Variants in STK3 observed in about 807,000 individuals in gnomAD.
STK3 encodes serine/threonine kinase 3.
STK3 carries 41 observed loss-of-function variants against 58.0 expected under a neutral mutation model. The observed-to-expected ratio is 0.71, with a 90% CI of 0.55 to 0.92. The LOEUF (loss-of-function observed/expected upper bound fraction) is 0.92, where lower values mean the gene tolerates loss of function less well. Among genes scored for constraint, STK3 ranks in the 40% least tolerant of loss-of-function variants. The pLI is 0.00. For missense variants in STK3, 479 were observed against 602.7 expected (o/e 0.79, Z 2.15); for synonymous variants, 170 against 191.0 (o/e 0.89, Z 0.91).
chr8:98,922,255 T>C (rs925484703), intron 1 of STK3, among the ~76,000 whole-genome samples: 3 of 152,168 alleles, frequency 2.0e-5, no homozygotes, highest in Non-Finnish European at 4.4e-5. Context: ...TTGCAACCAG[T>C]AGTGACAAGC....
intron 1 of STK3, among the ~76,000 whole-genome samples, chr8:98,891,092 T>C (rs1838183584): frequency 6.6e-6 from 1 of 152,224 alleles, no homozygotes; most frequent in African/African-American, 2.4e-5. Context: ...CTCCTAACAG[T>C]TGTTAAATGT....
At chr8:98,396,027 T>C (rs1817894651) in intron 3 of STK3, among the ~76,000 whole-genome samples, 1 of 152,162 alleles carries the variant, frequency 6.6e-6, no homozygotes, top group African/African-American at 2.4e-5. Flanking sequence ...AGTGAAATGT[T>C]GTGTATTAAA....
intron 1 of STK3, among the ~76,000 whole-genome samples, chr8:98,916,530 G>A (rs1038176442): frequency 7.2e-5 from 11 of 152,208 alleles, no homozygotes; most frequent in African/African-American, 2.7e-4. Context: ...CAAGCACTGT[G>A]TCTACAGTCT....
intron 1 of STK3, among the ~76,000 whole-genome samples, chr8:98,913,131 CAAAA>C (rs71995197): frequency 7.0e-6 from 1 of 143,034 alleles, no homozygotes; most frequent in African/African-American, 2.5e-5. Context: ...ACATAAATGG[CAAAA>C]AAAAAAAATC....
intron 3 of STK3, among the ~76,000 whole-genome samples, chr8:98,751,245 TC>T (rs1263831775): frequency 6.6e-6 from 1 of 152,134 alleles, no homozygotes; most frequent in East Asian, 1.9e-4. Context: ...GTATTGGAAG[TC>T]CTGGCAAGGG....
chr8:98,359,441 T>A, the STK3 span, among the ~76,000 whole-genome samples: 1 of 148,052 alleles, frequency 6.8e-6, no homozygotes, highest in Non-Finnish European at 1.5e-5. Flanking sequence ...GAGAATCACT[T>A]GAACCGGGGA....
intron 6 of STK3, among the ~76,000 whole-genome samples, chr8:98,631,823 C>T (rs1357149318): frequency 6.6e-6 from 1 of 152,200 alleles, no homozygotes; most frequent in Non-Finnish European, 1.5e-5. Flanking sequence ...CGCCACTATG[C>T]CCACCTACTT....
chr8:98,469,230 G>A (rs1820721864), intron 10 of STK3, among the ~76,000 whole-genome samples: 1 of 140,284 alleles, frequency 7.1e-6, no homozygotes, highest in Non-Finnish European at 1.5e-5. Flanking sequence ...ATACACGAAT[G>A]GTCCAAAAAG....
chr8:98,776,554 G>GCT (rs1351388470), intron 1 of STK3, among the ~76,000 whole-genome samples: 1 of 152,200 alleles, frequency 6.6e-6, no homozygotes. Context: ...CCTACTTGCA[G>GCT]CAGTGAACAG....
In STK3 at chr8:98,428,534, G is replaced by A. The variant is rs751798846; in HGVS notation, n.483+5593C>T. 1 of 1,614,168 alleles carries A rather than the reference G, an allele frequency of 6.2e-7. No individual in the cohort carries two copies. The highest frequency in any genetic ancestry group is 8.5e-7 in the Non-Finnish European group (1 of 1,180,032). On this transcript the variant is annotated intron_variant and non_coding_transcript_variant, in intron 3 of 3. Coordinates refer to the STK3 transcript ENST00000517832. The surrounding 1 kb of genome is among the most constrained non-coding windows in gnomAD (Gnocchi z 6.7). ...TGGACAACCCCGGCTACTCAGTGCT[G>A]AGCAGGGTCTTCAGCATCCTGTCCA...
intron 3 of STK3, among the ~76,000 whole-genome samples, chr8:98,859,887 T>C (rs1836863768): frequency 6.6e-6 from 1 of 152,194 alleles, no homozygotes; most frequent in African/African-American, 2.4e-5. Context: ...AGGAAGGATA[T>C]GTAGATAAAT....
intron 1 of STK3, among the ~76,000 whole-genome samples, chr8:98,812,836 T>C (rs1317367231): frequency 6.6e-6 from 1 of 151,972 alleles, no homozygotes; most frequent in African/African-American, 2.4e-5. Flanking sequence ...AATTGAACAA[T>C]GAGAACACTT....
chr8:98,653,252 A>G (rs919798025), intron 6 of STK3, among the ~76,000 whole-genome samples: 1 of 152,236 alleles, frequency 6.6e-6, no homozygotes, highest in Non-Finnish European at 1.5e-5. Flanking sequence ...TAACGAAATG[A>G]AGGCAGAAAT....
At position 98,800,647 on chromosome 8, in the gene STK3, G is replaced by C. The variant is rs994763295; in HGVS notation, c.26+24868C>G. Among the ~76,000 whole-genome samples, 1 of 152,212 alleles carries C rather than the reference G, an allele frequency of 6.6e-6. No homozygotes were observed. Among genetic ancestry groups the C allele is most frequent in the Admixed American group, 6.5e-5 (1 of 15,284 alleles). On this transcript the variant is annotated intron_variant, in intron 1 of 10. Coordinates refer to ENST00000419617, the MANE Select transcript of STK3 (RefSeq NM_006281.4). This position sits in a 1 kb window ranked among gnomAD's most constrained non-coding sequence, Gnocchi z 4.8. ...GCACTCATGGGCCAGCACGAGTTCCGGGTGGGTGTGGGCTTGATGGGCCCC... is the reference window on the plus strand; with the variant it reads ...GCACTCATGGGCCAGCACGAGTTCCCGGTGGGTGTGGGCTTGATGGGCCCC...
At position 98,428,964 on chromosome 8, in the gene STK3, G is replaced by A; in HGVS notation, n.483+5163C>T. Reference sequence around the variant, plus strand: ...CACTTTGAAATACAGCTACAAAGAAGTAGGGCTGCTCTTGCTCTACCTCTC... The same window carrying A: ...CACTTTGAAATACAGCTACAAAGAAATAGGGCTGCTCTTGCTCTACCTCTC... On this transcript the variant is annotated intron_variant and non_coding_transcript_variant, in intron 3 of 3. Coordinates refer to the STK3 transcript ENST00000517832. This position sits in a 1 kb window ranked among gnomAD's most constrained non-coding sequence, Gnocchi z 6.7. 1 of 1,614,192 alleles carries A rather than the reference G, an allele frequency of 6.2e-7. No individual in the cohort carries two copies. The highest frequency in any genetic ancestry group is 1.1e-5 in the South Asian group (1 of 91,082).
chr8:98,865,454 C>A (rs1220041463), intron 3 of STK3, among the ~76,000 whole-genome samples: 1 of 152,034 alleles, frequency 6.6e-6, no homozygotes, highest in Non-Finnish European at 1.5e-5. Context: ...GCAGCCTCAA[C>A]CTCCTGGGCT....
At position 98,372,874 on chromosome 8, in the gene STK3, A is replaced by G. The variant is rs1052502160; in HGVS notation, n.112-1196T>C. Among the ~76,000 whole-genome samples the G allele has an allele frequency of 3.3e-5, 5 of 152,350 alleles. No homozygotes were observed. The East Asian group carries it at 9.6e-4, about 29-fold the overall frequency. On this transcript the variant is annotated intron_variant and non_coding_transcript_variant, in intron 2 of 2. Transcript: ENST00000518704. ...TCTAAGCCTGGTGTCCTCATTTACA[A>G]TGTGAGAAAAATAACACCATGCCCT... is the stretch of plus-strand genomic sequence containing the variant.
At chr8:98,937,081 A>C (rs1200387537) in intron 1 of STK3, among the ~76,000 whole-genome samples, 3 of 152,210 alleles carry the variant, frequency 2.0e-5, no homozygotes, top group Non-Finnish European at 4.4e-5. Context: ...TTCTTATAAG[A>C]CCAGTATTCT....
intron 1 of STK3, among the ~76,000 whole-genome samples, chr8:98,928,714 C>T (rs1030408435): frequency 6.6e-6 from 1 of 152,166 alleles, no homozygotes; most frequent in African/African-American, 2.4e-5. Context: ...AAAGATTCTA[C>T]AATACTGGTA....
Sources: gnomAD v4.1 joint callset for allele counts (sites outside exome capture counted in the v4.1 genomes callset) on GRCh38, gnomAD v4.1.1 for gene constraint, Gnocchi (gnomAD v3.1) non-coding constraint, MANE v1.5 for transcripts, NCBI Gene and HGNC (gene_info 2026-07-23, HGNC 2026-07-21) for gene names.